The following ATE1 variants were observed in gnomAD, a reference collection of about 807,000 sequenced individuals.
ATE1 encodes arginyltransferase 1.
ATE1 carries 36 observed loss-of-function variants against 70.5 expected under a neutral mutation model. That is an observed-to-expected ratio of 0.51 (90% CI 0.39 to 0.67). The LOEUF (loss-of-function observed/expected upper bound fraction) is 0.67. Ranked by LOEUF, ATE1 falls within the 30% of genes least tolerant of loss-of-function variation. The probability of loss-of-function intolerance (pLI) is 0.00; values close to 1 mark genes in which losing one functional copy is unlikely to be tolerated. For synonymous variants in ATE1, 232 were observed against 219.3 expected (o/e 1.06, Z -0.51); for missense variants, 593 against 629.5 (o/e 0.94, Z 0.62).
chr10:121,873,805 G>C (rs1426385985), intron 7 of ATE1, among the ~76,000 whole-genome samples: 1 of 151,788 alleles, frequency 6.6e-6, no homozygotes, highest in Admixed American at 6.6e-5. Context: ...TGTTTAATAA[G>C]TAACCGTGGT....
chr10:121,838,556 T>G (rs1202075503), intron 9 of ATE1, among the ~76,000 whole-genome samples: 1 of 152,224 alleles, frequency 6.6e-6, no homozygotes, highest in Non-Finnish European at 1.5e-5. Flanking sequence ...CCCTGAAATG[T>G]CACCTGTTCT....
chr10:121,758,924 C>T (rs1383755421), intron 11 of ATE1, among the ~76,000 whole-genome samples: 4 of 152,118 alleles, frequency 2.6e-5, no homozygotes, highest in South Asian at 2.1e-4. Context: ...GACTGCCCCA[C>T]AGACCTGCCC....
rs1164825128 is a variant in ATE1, at chr10:121,751,554, C to T, written c.1379-7696G>A. Among the ~76,000 whole-genome samples, 5 of 152,294 alleles carry T rather than the reference C, an allele frequency of 3.3e-5. No homozygotes were observed. The East Asian group carries it at 9.6e-4, about 29-fold the overall frequency. On this transcript the variant is annotated intron_variant, in intron 11 of 11. Coordinates refer to ENST00000224652, the MANE Select transcript of ATE1 (RefSeq NM_001001976.3). The stretch of plus-strand genomic sequence containing the variant: ...TTTTGTGATTTTGATTTGCATTTCT[C>T]CAATAGCTAATGATGCTGAGCATCT...
chr10:121,819,679 C>CAAAAAAAAAAA (rs57035123), intron 10 of ATE1, among the ~76,000 whole-genome samples: 1 of 52,720 alleles, frequency 1.9e-5, no homozygotes, highest in African/African-American at 8.7e-5. Flanking sequence ...AAGACTGTCT[C>CAAAAAAAAAAA]AAAAAAAAAA....
chr10:121,793,929 T>G (rs1946553441), intron 10 of ATE1, among the ~76,000 whole-genome samples: 1 of 152,202 alleles, frequency 6.6e-6, no homozygotes, highest in Non-Finnish European at 1.5e-5. Context: ...TTTTTTCTAG[T>G]ACTTTCATGG....
rs1944210243 is a variant in ATE1, at chr10:121,743,385, A to G, written c.*295T>C. ...TTAAGTTACTTAGATTCACTTCTTCATTTTACAAAATACAAACAGGAGAAT... is the reference window on the plus strand; with the variant it reads ...TTAAGTTACTTAGATTCACTTCTTCGTTTTACAAAATACAAACAGGAGAAT... On this transcript the variant is annotated 3_prime_UTR_variant, in exon 12 of 12. Coordinates refer to ENST00000224652, the MANE Select transcript of ATE1 (RefSeq NM_001001976.3). 3.0e-6 allele frequency: 1 copy of G among 329,876 alleles called. No homozygotes were observed. The highest frequency in any genetic ancestry group is 4.7e-6 in the Non-Finnish European group (1 of 211,492). 20.4% of individuals were successfully genotyped at this position (329,876 alleles called of 1,614,324 possible).
chr10:121,908,882 T>C (rs1951309582), intron 5 of ATE1, among the ~76,000 whole-genome samples: 2 of 152,170 alleles, frequency 1.3e-5, no homozygotes, highest in South Asian at 4.1e-4. Flanking sequence ...CAGAGGAACA[T>C]GTTAAACTGC....
intron 3 of ATE1, among the ~76,000 whole-genome samples, chr10:121,921,941 T>C (rs1249812043): frequency 1.3e-5 from 2 of 152,194 alleles, no homozygotes; most frequent in Non-Finnish European, 2.9e-5. Context: ...TACCAAGTAA[T>C]TTATAGGAGC....
At chr10:121,831,492 G>A (rs1238045559) in intron 10 of ATE1, among the ~76,000 whole-genome samples, 7 of 152,108 alleles carry the variant, frequency 4.6e-5, no homozygotes, top group South Asian at 4.1e-4. Context: ...TGCTTCCTGC[G>A]AATGTCAACC....
intron 1 of ATE1, 49 bp downstream of exon 1, chr10:121,927,795 C>A: frequency 2.0e-6 from 3 of 1,517,908 alleles, no homozygotes; most frequent in Non-Finnish European, 2.7e-6. Flanking sequence ...CCTGGGATCC[C>A]GAGACCCGGG....
intron 10 of ATE1, among the ~76,000 whole-genome samples, chr10:121,814,756 C>A (rs771586021): frequency 6.6e-6 from 1 of 152,196 alleles, no homozygotes; most frequent in Non-Finnish European, 1.5e-5. Context: ...ATTCTAACAT[C>A]ACCAGCAAAG....
At chr10:121,758,206 T>A (rs1944887610) in intron 11 of ATE1, among the ~76,000 whole-genome samples, 1 of 152,222 alleles carries the variant, frequency 6.6e-6, no homozygotes, top group Non-Finnish European at 1.5e-5. Flanking sequence ...TCAGTTTGCC[T>A]ATAAGTTTTT....
intron 5 of ATE1, among the ~76,000 whole-genome samples, chr10:121,906,868 G>C (rs1374306927): frequency 2.6e-5 from 4 of 152,100 alleles, no homozygotes; most frequent in South Asian, 2.1e-4. Context: ...CAAAGTGTGG[G>C]ATTACAGGTG....
chr10:121,865,480 G>A (rs554042487), intron 8 of ATE1, among the ~76,000 whole-genome samples: 2 of 152,150 alleles, frequency 1.3e-5, no homozygotes, highest in Non-Finnish European at 2.9e-5. Flanking sequence ...AGAATCTTTC[G>A]GGCTCTGATA....
intron 10 of ATE1, among the ~76,000 whole-genome samples, chr10:121,821,684 C>T: frequency 6.6e-6 from 1 of 152,170 alleles, no homozygotes; most frequent in East Asian, 1.9e-4. Context: ...AGTTCAAGGG[C>T]AGCCTGGCCA....
intron 10 of ATE1, among the ~76,000 whole-genome samples, chr10:121,807,573 A>G (rs1341183365): frequency 3.3e-5 from 5 of 152,212 alleles, no homozygotes; most frequent in African/African-American, 4.8e-5. Flanking sequence ...GCTATAATGC[A>G]CTAGATGATG....
At chr10:121,853,735 G>A (rs1453783248) in intron 8 of ATE1, among the ~76,000 whole-genome samples, 3 of 152,144 alleles carry the variant, frequency 2.0e-5, no homozygotes, top group African/African-American at 7.2e-5. Context: ...AGTCTATCCA[G>A]GCTGCTATAA....
intron 11 of ATE1, among the ~76,000 whole-genome samples, chr10:121,787,832 A>ATGTC (rs1460485038): frequency 6.6e-6 from 1 of 152,198 alleles, no homozygotes; most frequent in East Asian, 1.9e-4. Context: ...GTTTACTTGA[A>ATGTC]TGTCTATTCA....
chr10:121,839,931 G>A (rs1408640038), intron 9 of ATE1, among the ~76,000 whole-genome samples: 1 of 152,122 alleles, frequency 6.6e-6, no homozygotes, highest in Non-Finnish European at 1.5e-5. Context: ...TTACTGTGAC[G>A]TGAAAACGTG....
Sources: allele counts gnomAD v4.1 joint callset (sites outside exome capture counted in the v4.1 genomes callset), GRCh38; gene constraint gnomAD v4.1.1; transcripts MANE v1.5; gene names NCBI Gene and HGNC (gene_info 2026-07-23, HGNC 2026-07-21).